Variants in OXR1 observed in about 807,000 individuals in gnomAD.
The protein encoded by OXR1 is oxidation resistance 1, also known as oxidation resistance protein 1.
Under a neutral mutation model 104.6 loss-of-function variants are expected in OXR1, and 41 were observed. The observed-to-expected ratio is 0.39, with a 90% CI of 0.31 to 0.51. The LOEUF (loss-of-function observed/expected upper bound fraction) is 0.51, where lower values mean the gene tolerates loss of function less well. Among genes scored for constraint, OXR1 ranks in the 20% least tolerant of loss-of-function variants. OXR1 has a pLI of 0.77. For missense variants in OXR1, 955 were observed against 1,031.9 expected, an observed-to-expected ratio of 0.93 and a Z score of 1.02; for synonymous variants, 348 against 348.4, an observed-to-expected ratio of 1.00 and a Z score of 0.01.
At chr8:106,582,023 C>CA (rs71307074) in intron 3 of OXR1, among the ~76,000 whole-genome samples, 17,268 of 69,476 alleles carry the variant, frequency 0.25, 2,320 homozygotes, top group East Asian at 0.34. Flanking sequence ...GACTCTGTCT[C>CA]AAAAAAAAAA....
At chr8:106,689,753 T>G (rs943365650) in intron 6 of OXR1, among the ~76,000 whole-genome samples, 1 of 151,944 alleles carries the variant, frequency 6.6e-6, no homozygotes, top group Admixed American at 6.6e-5. Context: ...GTGAAAACTT[T>G]TTTAAAAACG....
chr8:106,540,063 T>C (rs943430145), intron 3 of OXR1, among the ~76,000 whole-genome samples: 5 of 152,212 alleles, frequency 3.3e-5, no homozygotes, highest in Non-Finnish European at 5.9e-5. Flanking sequence ...AAGTCAAGTA[T>C]ACATATACAG....
At chr8:106,633,779 C>G (rs1822906408) in intron 3 of OXR1, among the ~76,000 whole-genome samples, 1 of 152,190 alleles carries the variant, frequency 6.6e-6, no homozygotes, top group Admixed American at 6.5e-5. Context: ...TAAGACAATT[C>G]AGAATGTACA....
intron 2 of OXR1, among the ~76,000 whole-genome samples, chr8:106,450,615 T>C (rs1179090198): frequency 1.3e-5 from 2 of 152,264 alleles, no homozygotes; most frequent in East Asian, 3.9e-4. Context: ...CACAACAAAC[T>C]GCCAGTCCCA....
intron 2 of OXR1, among the ~76,000 whole-genome samples, chr8:106,442,562 G>GAAATTACTAT (rs1819832603): frequency 6.6e-6 from 1 of 151,794 alleles, no homozygotes; most frequent in Non-Finnish European, 1.5e-5. Context: ...TTTTTTCGTT[G>GAAATTACTAT]GTAGGCTATT....
chr8:106,469,438 G>A (rs536162892), intron 2 of OXR1, among the ~76,000 whole-genome samples: 8 of 151,916 alleles, frequency 5.3e-5, no homozygotes, highest in African/African-American at 1.9e-4. Context: ...TACTTAAATT[G>A]GGATGGCAGG....
At chr8:106,343,904 G>A (rs996212133) in intron 1 of OXR1, among the ~76,000 whole-genome samples, 15 of 152,196 alleles carry the variant, frequency 9.9e-5, no homozygotes, top group African/African-American at 3.6e-4. Context: ...GTTTAACTAA[G>A]TTAGACACAG....
chr8:106,495,415 T>C (rs75996816), intron 2 of OXR1, among the ~76,000 whole-genome samples: 8,191 of 151,646 alleles, frequency 0.054, 286 homozygotes, highest in African/African-American at 0.092. Flanking sequence ...AGATGGAATG[T>C]AGTGGGATAA....
At position 106,713,874 on chromosome 8, in the gene OXR1, AG is replaced by A; in HGVS notation, c.1846del (p.Glu616LysfsTer13). 1 of 1,589,772 alleles carries A rather than the reference AG, an allele frequency of 6.3e-7. No homozygotes were observed. The highest frequency in any genetic ancestry group is 8.5e-7 in the Non-Finnish European group (1 of 1,172,426). ...TTCAGTGGAGTCCAGAAATATATGC[AG>A]AAGATACTGGCGAATATACCAGAGA... ...FIQWSPEIYAEDTGEYTREPG... is the reference protein window; with the variant it reads ...FIQWSPEIYAXDTGEYTREPG... On this transcript the variant is annotated frameshift_variant, in exon 11 of 17. Coordinates refer to ENST00000517566, the MANE Select transcript of OXR1 (RefSeq NM_001198533.2). LOFTEE classifies it high-confidence loss of function.
At chr8:106,510,978 C>G (rs1001176598) in intron 2 of OXR1, among the ~76,000 whole-genome samples, 1 of 152,138 alleles carries the variant, frequency 6.6e-6, no homozygotes, top group East Asian at 1.9e-4. Flanking sequence ...CCCGATTCCA[C>G]GTTAATGAGA....
At chr8:106,626,985 C>T (rs1822225921) in intron 3 of OXR1, among the ~76,000 whole-genome samples, 2 of 151,774 alleles carry the variant, frequency 1.3e-5, no homozygotes, top group South Asian at 2.1e-4. Flanking sequence ...TATTATGTTT[C>T]GATGCTTTTC....
At chr8:106,439,856 A>G (rs2130585261) in intron 2 of OXR1, among the ~76,000 whole-genome samples, 1 of 152,308 alleles carries the variant, frequency 6.6e-6, no homozygotes, top group Non-Finnish European at 1.5e-5. Flanking sequence ...TAATAATGAA[A>G]TCAAGTTTTA....
intron 2 of OXR1, among the ~76,000 whole-genome samples, chr8:106,481,978 G>A (rs1822149502): frequency 6.6e-6 from 1 of 151,980 alleles, no homozygotes. Flanking sequence ...GAAAATTGGG[G>A]ATAGGAGAGT....
chr8:106,341,818 G>A (rs1168936364), intron 1 of OXR1, among the ~76,000 whole-genome samples: 2 of 151,228 alleles, frequency 1.3e-5, no homozygotes, highest in Non-Finnish European at 2.9e-5. Flanking sequence ...CTCAGAGGAG[G>A]TTTTCTCCTC....
At chr8:106,644,211 G>A (rs911434204) in intron 3 of OXR1, among the ~76,000 whole-genome samples, 7 of 152,098 alleles carry the variant, frequency 4.6e-5, no homozygotes, top group Non-Finnish European at 7.4e-5. Flanking sequence ...GTTGTATTAA[G>A]AAAATACTTA....
chr8:106,390,112 T>C (rs1817534449), intron 2 of OXR1, among the ~76,000 whole-genome samples: 1 of 152,166 alleles, frequency 6.6e-6, no homozygotes, highest in Admixed American at 6.5e-5. Flanking sequence ...TTCATGATTT[T>C]TACTTAATTA....
At chr8:106,424,805 G>T (rs888610301) in intron 2 of OXR1, among the ~76,000 whole-genome samples, 1 of 151,768 alleles carries the variant, frequency 6.6e-6, no homozygotes, top group Non-Finnish European at 1.5e-5. Flanking sequence ...TTAATTTGAG[G>T]AGTTAAAAAA....
chr8:106,640,990 T>C lies in OXR1; in HGVS notation c.221-38220T>C, dbSNP rs574874896. On this transcript the variant is annotated intron_variant, in intron 3 of 16. Transcript: ENST00000517566. ...AATTCACTGAGGTAAAACTCACTTC[T>C]ATACTTTTTAACTAAAATTTTAAGA... is the stretch of plus-strand genomic sequence containing the variant. 7.2e-5 allele frequency among the ~76,000 whole-genome samples: 11 copies of C among 152,384 alleles called. No individual in the cohort carries two copies. In the East Asian group the frequency reaches 2.1e-3, roughly 29 times the overall value.
intron 10 of OXR1, among the ~76,000 whole-genome samples, chr8:106,711,760 G>C (rs1282352837): frequency 6.6e-6 from 1 of 151,994 alleles, no homozygotes. Flanking sequence ...TGTGAAAAAG[G>C]CCAAGTGACA....
Sources: gnomAD v4.1 joint callset for allele counts (sites outside exome capture counted in the v4.1 genomes callset) on GRCh38, gnomAD v4.1.1 for gene constraint, MANE v1.5 for transcripts, NCBI Gene and HGNC (gene_info 2026-07-23, HGNC 2026-07-21) for gene names.